Variants in IFT52 observed in about 807,000 individuals in gnomAD.
IFT52 encodes the protein intraflagellar transport 52.
IFT52 carries 44 observed loss-of-function variants against 54.4 expected under a neutral mutation model. The ratio of observed to expected loss-of-function variants is 0.81; its 90% CI spans 0.63 to 1.04. The LOEUF is 1.04. Ranked by LOEUF, IFT52 falls within the 50% of genes least tolerant of loss-of-function variation. The pLI is 0.00. For missense variants in IFT52, 452 were observed against 523.6 expected (o/e 0.86, Z 1.33); for synonymous variants, 181 against 185.3 (o/e 0.98, Z 0.19).
intron 12 of IFT52, among the ~76,000 whole-genome samples, chr20:43,641,331 G>A (rs769161683): frequency 4.0e-5 from 6 of 151,596 alleles, no homozygotes; most frequent in South Asian, 2.1e-4. Context: ...TCTGCCTCCC[G>A]GGTTCAAGCG....
At chr20:43,602,954 C>T (rs1982575989) in intron 3 of IFT52, among the ~76,000 whole-genome samples, 2 of 152,094 alleles carry the variant, frequency 1.3e-5, no homozygotes, top group Admixed American at 6.6e-5. Flanking sequence ...ATTTTCATTA[C>T]CCTTAAAACA....
chr20:43,630,637 G>A (rs775085692), intron 10 of IFT52, among the ~76,000 whole-genome samples: 29 of 152,352 alleles, frequency 1.9e-4, no homozygotes, highest in Non-Finnish European at 3.8e-4. Context: ...ATGAGGTAGA[G>A]GCAGATGGTG....
intron 1 of IFT52, among the ~76,000 whole-genome samples, chr20:43,591,822 G>C (rs901491214): frequency 9.2e-5 from 14 of 152,120 alleles, no homozygotes; most frequent in African/African-American, 3.4e-4. Flanking sequence ...AGGATCCCTT[G>C]AGCCCAGGAG....
At chr20:43,596,550 A>G in intron 3 of IFT52, 28 bp downstream of exon 3, 1 of 1,411,000 alleles carries the variant, frequency 7.1e-7, no homozygotes, top group Non-Finnish European at 1.0e-6. Context: ...AAGAAGGAAT[A>G]TGGTGAAATG....
rs1341988863 is a variant in IFT52, at chr20:43,618,865, A to G, written c.613-75A>G. 11 of 916,206 alleles carry G rather than the reference A, an allele frequency of 1.2e-5. No individual in the cohort carries two copies. The Admixed American group carries it at 2.0e-4, about 17-fold the overall frequency. The allele number at this position is 916,206 out of a possible 1,614,324, so 56.8% of individuals were successfully genotyped here. On this transcript the variant is annotated intron_variant, in intron 7 of 13. Coordinates refer to ENST00000373030, the MANE Select transcript of IFT52 (RefSeq NM_016004.5). The stretch of plus-strand genomic sequence containing the variant: ...TAAGACAGTTGCTAGCATGATTCTA[A>G]TAAGTGTCTGGGTACTAGGATACAT...
chr20:43,607,356 G>A (rs1159948855), intron 6 of IFT52, among the ~76,000 whole-genome samples: 4 of 150,614 alleles, frequency 2.7e-5, no homozygotes, highest in Admixed American at 2.6e-4. Flanking sequence ...GGGCGGAGAC[G>A]CTCCTCACTT....
At chr20:43,606,154 G>A (rs1333468869) in intron 6 of IFT52, among the ~76,000 whole-genome samples, 1 of 151,790 alleles carries the variant, frequency 6.6e-6, no homozygotes, top group African/African-American at 2.4e-5. Flanking sequence ...CTGGGAGGTG[G>A]AGGTTGCATT....
chr20:43,626,368 A>G (rs573642782), intron 10 of IFT52, among the ~76,000 whole-genome samples: 3 of 151,766 alleles, frequency 2.0e-5, no homozygotes, highest in East Asian at 1.9e-4. Context: ...GGCTCAAGCA[A>G]TTCTCCTGCC....
chr20:43,604,357 G>A (rs1201340258), intron 5 of IFT52, 99 bp downstream of exon 5: 3 of 826,828 alleles, frequency 3.6e-6, no homozygotes, highest in Non-Finnish European at 6.0e-6. Flanking sequence ...TCATTTTGAG[G>A]TCAGGAGTTC....
At chr20:43,609,775 C>CAA (rs57268776) in intron 6 of IFT52, among the ~76,000 whole-genome samples, 98 of 47,118 alleles carry the variant, frequency 2.1e-3, no homozygotes, top group Non-Finnish European at 2.6e-3. Context: ...AACTCCGTCT[C>CAA]AAAAAAAAAA....
intron 10 of IFT52, among the ~76,000 whole-genome samples, chr20:43,630,173 C>A (rs1985059993): frequency 3.3e-5 from 5 of 152,196 alleles, no homozygotes; most frequent in Admixed American, 3.3e-4. Context: ...CTGGTGTTCT[C>A]TTCCTCCTCT....
chr20:43,624,925 T>G (rs575215958), intron 10 of IFT52, among the ~76,000 whole-genome samples: 1 of 152,246 alleles, frequency 6.6e-6, no homozygotes, highest in South Asian at 2.1e-4. Flanking sequence ...CAGCACATCC[T>G]GGGCATTTGG....
At chr20:43,594,952 G>A in intron 2 of IFT52, 135 bp downstream of exon 2, 1 of 643,132 alleles carries the variant, frequency 1.6e-6, no homozygotes. Flanking sequence ...TCAGAATTAG[G>A]TCTGGCGTGG....
chr20:43,631,043 AT>A (rs902030424), intron 10 of IFT52, among the ~76,000 whole-genome samples: 39 of 152,318 alleles, frequency 2.6e-4, no homozygotes, highest in African/African-American at 9.1e-4. Flanking sequence ...GGTAGTAAGA[AT>A]TTTAGTTTAA....
chr20:43,636,865 A>G (rs939131389), intron 11 of IFT52, among the ~76,000 whole-genome samples: 1 of 152,174 alleles, frequency 6.6e-6, no homozygotes, highest in African/African-American at 2.4e-5. Context: ...GGTTGTTTAC[A>G]GTGGGCTAAT....
intron 3 of IFT52, among the ~76,000 whole-genome samples, chr20:43,603,491 C>T (rs936164606): frequency 1.3e-5 from 2 of 152,118 alleles, no homozygotes; most frequent in African/African-American, 4.8e-5. Flanking sequence ...GAACTGAGTG[C>T]TTCCTTTAGT....
At chr20:43,634,540 T>A (rs1227147766) in intron 10 of IFT52, among the ~76,000 whole-genome samples, 3 of 152,112 alleles carry the variant, frequency 2.0e-5, no homozygotes, top group African/African-American at 7.2e-5. Context: ...CATATTCTGA[T>A]CTAAAATGAA....
intron 1 of IFT52, among the ~76,000 whole-genome samples, chr20:43,593,833 G>C (rs1442551429): frequency 6.6e-6 from 1 of 152,038 alleles, no homozygotes; most frequent in Non-Finnish European, 1.5e-5. Flanking sequence ...CAAAGTGCTG[G>C]AGTTACAGGC....
chr20:43,620,147 C>G, intron 8 of IFT52, among the ~76,000 whole-genome samples: 1 of 151,834 alleles, frequency 6.6e-6, no homozygotes, highest in Non-Finnish European at 1.5e-5. Flanking sequence ...GAACTCCTGA[C>G]TTCAGGTGAT....
Sources: allele counts gnomAD v4.1 joint callset (sites outside exome capture counted in the v4.1 genomes callset), GRCh38; gene constraint gnomAD v4.1.1; transcripts MANE v1.5; gene names NCBI Gene and HGNC (gene_info 2026-07-23, HGNC 2026-07-21).